The following ZNF766 variants were observed in gnomAD, a reference collection of about 807,000 sequenced individuals.
ZNF766 encodes the protein zinc finger protein 766.
In ZNF766, 13 loss-of-function variants were observed where a neutral mutation model predicts 13.2. The ratio of observed to expected loss-of-function variants is 0.98; its 90% CI spans 0.64 to 1.56. The LOEUF is 1.56. Ranked by LOEUF, ZNF766 falls within the 40% of genes most tolerant of loss-of-function variation. The pLI, the probability that ZNF766 is intolerant of heterozygous loss-of-function variation, is 0.00. For missense variants in ZNF766, 521 were observed against 552.2 expected, an observed-to-expected ratio of 0.94 and a Z score of 0.57; for synonymous variants, 178 against 187.6, an observed-to-expected ratio of 0.95 and a Z score of 0.42.
rs150370341 is a variant in ZNF766, at chr19:52,272,559, C to T, written c.18+2928C>T. Among the ~76,000 whole-genome samples, 946 of 152,164 alleles carry T rather than the reference C, an allele frequency of 6.2e-3. 9 individuals carry two copies. The highest frequency in any genetic ancestry group is 0.022 in the African/African-American group (897 of 41,516). ...ATAGCTCCCTGCAGCCTTGAACTCC[C>T]GGGCTCAGGAGGTCCTCCTGCCTCA... On this transcript the variant is annotated intron_variant, in intron 1 of 3. Coordinates refer to ENST00000439461, the MANE Select transcript of ZNF766 (RefSeq NM_001010851.3).
intron 1 of ZNF766, chr19:52,281,348 GTC>G: frequency 3.9e-6 from 1 of 258,292 alleles, no homozygotes; most frequent in Non-Finnish European, 7.7e-6. Context: ...GTGAAACCTT[GTC>G]TCTACTGAAA....
In ZNF766 at chr19:52,295,857, T is replaced by C. The variant is rs1364934342; in HGVS notation, c.*4659T>C. 2.6e-5 allele frequency: 4 copies of C among 152,086 alleles called. No homozygotes were observed. The highest frequency in any genetic ancestry group is 6.5e-5 in the Admixed American group (1 of 15,270). 9.4% of individuals were successfully genotyped at this position (152,086 alleles called of 1,614,324 possible). On this transcript the variant is annotated 3_prime_UTR_variant, in exon 4 of 4. Transcript: ENST00000439461. The stretch of plus-strand genomic sequence containing the variant: ...CTTTTTTTTCAGATGTTTGAGCTAT[T>C]CCAGGTTTTTTGGGATTTCTGTTGG...
intron 1 of ZNF766, among the ~76,000 whole-genome samples, chr19:52,270,755 A>G (rs1457841838): frequency 6.6e-6 from 1 of 152,116 alleles, no homozygotes; most frequent in Non-Finnish European, 1.5e-5. Flanking sequence ...AAGAGCAACA[A>G]GAGGAAAAAA....
rs140224010 is a variant in ZNF766, at chr19:52,288,780, T to C, written c.275-1286T>C. Among the ~76,000 whole-genome samples, 682 of 149,058 alleles carry C rather than the reference T, an allele frequency of 4.6e-3. 2 individuals carry two copies. Among genetic ancestry groups the C allele is most frequent in the Non-Finnish European group, 8.1e-3 (548 of 67,850 alleles). On this transcript the variant is annotated intron_variant, in intron 3 of 3. Coordinates refer to ENST00000439461, the MANE Select transcript of ZNF766 (RefSeq NM_001010851.3). ...GCATTTCATGAGTTTTGCTGTGTTA[T>C]ATTTACATTTTCCTTTATATCAAGA...
chr19:52,292,367 C>T lies in ZNF766; in HGVS notation c.*1169C>T. On this transcript the variant is annotated 3_prime_UTR_variant, in exon 4 of 4. Transcript: ENST00000439461. The stretch of plus-strand genomic sequence containing the variant: ...TAGCACACACTTTTCCTGACAGGCA[C>T]AGTGCTGCTGTGCTCTACAAATGAC... 1 of 598,724 alleles carries T rather than the reference C, an allele frequency of 1.7e-6. No individual in the cohort carries two copies. Among genetic ancestry groups the T allele is most frequent in the Non-Finnish European group, 3.0e-6 (1 of 336,608 alleles). 37.1% of individuals were successfully genotyped at this position (598,724 alleles called of 1,614,324 possible).
chr19:52,274,028 C>A (rs542774816), intron 1 of ZNF766, among the ~76,000 whole-genome samples: 3 of 152,274 alleles, frequency 2.0e-5, no homozygotes, highest in African/African-American at 7.2e-5. Context: ...AACCACAGTC[C>A]AAGGTATTAC....
intron 1 of ZNF766, among the ~76,000 whole-genome samples, chr19:52,273,433 C>G (rs772264660): frequency 6.6e-6 from 1 of 152,166 alleles, no homozygotes; most frequent in Non-Finnish European, 1.5e-5. Flanking sequence ...CCTGTGTGAT[C>G]TGCATCCCAG....
chr19:52,286,146 A>T (rs921699218), intron 3 of ZNF766, among the ~76,000 whole-genome samples: 10 of 137,958 alleles, frequency 7.2e-5, no homozygotes, highest in Admixed American at 7.2e-4. Flanking sequence ...GAGCTCAATT[A>T]AAAAAAAAAA....
Position 52,290,438 on chromosome 19 carries a change from G to T in ZNF766, c.647G>T (p.Arg216Ile), listed in dbSNP as rs1416142357. The change falls in exon 4 of 4, where the codon AGA becomes ATA. Residue 216 changes from arginine (R) to isoleucine (I), a missense_variant. Coordinates refer to ENST00000439461, the MANE Select transcript of ZNF766 (RefSeq NM_001010851.3). ...ATCCACACTGCAGATAAACCTAACAGATGTCATGAATGTGGTAAAACCGTC... is the reference window on the plus strand; with the variant it reads ...ATCCACACTGCAGATAAACCTAACATATGTCATGAATGTGGTAAAACCGTC... ...QVIHTADKPN[R>I]CHECGKTVRD... 1.2e-6 allele frequency: 2 copies of T among 1,613,882 alleles called. No individual in the cohort carries two copies. Among genetic ancestry groups the T allele is most frequent in the South Asian group, 2.2e-5 (2 of 91,080 alleles).
chr19:52,277,136 C>T, intron 1 of ZNF766: 1 of 1,063,002 alleles, frequency 9.4e-7, no homozygotes, highest in Non-Finnish European at 1.1e-6. Context: ...CCCTAAACAG[C>T]ATATTTTTGA....
chr19:52,273,213 C>T (rs1470574391), intron 1 of ZNF766, among the ~76,000 whole-genome samples: 2 of 152,132 alleles, frequency 1.3e-5, no homozygotes, highest in African/African-American at 2.4e-5. Context: ...TTTCATCATG[C>T]TGGCCAGGAT....
intron 3 of ZNF766, among the ~76,000 whole-genome samples, chr19:52,287,622 G>A (rs1347490053): frequency 1.3e-5 from 2 of 152,188 alleles, no homozygotes; most frequent in African/African-American, 4.8e-5. Flanking sequence ...TGCTGTTTTA[G>A]TTGGTAGGTA....
Position 52,290,927 on chromosome 19 carries a change from G to C in ZNF766, c.1136G>C (p.Gly379Ala). The stretch of plus-strand genomic sequence containing the variant: ...ACAGTTCATCAGAGAAATCATAATG[G>C]AGAGAAACCTTATAAATGTCATGAA... ...SLTVHQRNHN[G>A]EKPYKCHECG... is the part of the protein sequence containing the mutation. The change falls in exon 4 of 4, where the codon GGA becomes GCA. Residue 379 changes from glycine to alanine, a missense_variant. Physicochemically the swap from Gly to Ala is moderately conservative, Grantham distance 60 (BLOSUM62 0). Coordinates refer to ENST00000439461, the MANE Select transcript of ZNF766 (RefSeq NM_001010851.3). 1 of 1,614,040 alleles carries C rather than the reference G, an allele frequency of 6.2e-7. No homozygotes were observed. The highest frequency in any genetic ancestry group is 1.1e-5 in the South Asian group (1 of 91,078).
At position 52,290,350 on chromosome 19, in the gene ZNF766, T is replaced by C. The variant is rs1439964848; in HGVS notation, c.559T>C (p.Tyr187His). 6.2e-7 allele frequency: 1 copy of C among 1,614,132 alleles called. No homozygotes were observed. Among genetic ancestry groups the C allele is most frequent in the South Asian group, 1.1e-5 (1 of 91,088 alleles). Residue 187 changes from tyrosine to histidine, a missense_variant, in exon 4 of 4, where the codon TAC (tyrosine) becomes CAC (histidine). By Grantham distance (83) the Tyr-to-His change is moderately conservative. Transcript: ENST00000439461. ...GAAAGCACACATTAGGAGAAAACCTTACGAATGTAATGAGCAGGGCAAAGT... is the reference window on the plus strand; with the variant it reads ...GAAAGCACACATTAGGAGAAAACCTCACGAATGTAATGAGCAGGGCAAAGT... The part of the protein sequence containing the change: ...EQKAHIRRKP[Y>H]ECNEQGKVFR...
intron 2 of ZNF766, among the ~76,000 whole-genome samples, chr19:52,282,952 T>A (rs1331823379): frequency 6.6e-6 from 1 of 152,170 alleles, no homozygotes; most frequent in African/African-American, 2.4e-5. Context: ...TGATTAGTTT[T>A]TTTATTTATT....
At chr19:52,276,564 G>A (rs780043521) in intron 1 of ZNF766, among the ~76,000 whole-genome samples, 1 of 151,852 alleles carries the variant, frequency 6.6e-6, no homozygotes, top group African/African-American at 2.4e-5. Flanking sequence ...GTACCTCATT[G>A]GTTTTGTTTA....
In ZNF766 at chr19:52,290,617, T is replaced by G. The variant is rs371307533; in HGVS notation, c.826T>G (p.Cys276Gly). 6.2e-7 allele frequency: 1 copy of G among 1,614,028 alleles called. No individual in the cohort carries two copies. Among genetic ancestry groups the G allele is most frequent in the East Asian group, 2.2e-5 (1 of 44,870 alleles). Residue 276 changes from cysteine to glycine, a missense_variant, in exon 4 of 4, where the codon TGT (cysteine) becomes GGT (glycine). Coordinates refer to ENST00000439461, the MANE Select transcript of ZNF766 (RefSeq NM_001010851.3). ...AGAGAGTCCTTACAAATGTAATGAG[T>G]GTGGCAAGGTCTTCAGTCGAATTAC... ...TGESPYKCNE[C>G]GKVFSRITYL...
At chr19:52,271,627 TTAG>T (rs762745395) in intron 1 of ZNF766, among the ~76,000 whole-genome samples, 6 of 152,130 alleles carry the variant, frequency 3.9e-5, no homozygotes, top group Admixed American at 3.9e-4. Context: ...ATTACTTTGG[TTAG>T]TGCACCCACA....
At chr19:52,290,034 G>A in intron 3 of ZNF766, 32 bp from the exon 4 acceptor site, 1 of 1,556,342 alleles carries the variant, frequency 6.4e-7, no homozygotes. Context: ...AGAACCATGG[G>A]TTCAAATTAT....
Sources: allele counts gnomAD v4.1 joint callset (sites outside exome capture counted in the v4.1 genomes callset), GRCh38; gene constraint gnomAD v4.1.1; transcripts MANE v1.5; gene names NCBI Gene and HGNC (gene_info 2026-07-23, HGNC 2026-07-21).